The following SOBP variants were observed in gnomAD, a reference collection of about 807,000 sequenced individuals.
SOBP encodes sine oculis-binding protein homolog.
In SOBP, 4 loss-of-function variants were observed where a neutral mutation model predicts 53.6. That is an observed-to-expected ratio of 0.07 (90% CI 0.04 to 0.17). The LOEUF (loss-of-function observed/expected upper bound fraction) is 0.17, where lower values mean the gene tolerates loss of function less well. Ranked by LOEUF, SOBP falls within the 10% of genes least tolerant of loss-of-function variation. The pLI is 1.00. For synonymous variants in SOBP, 584 were observed against 522.6 expected (o/e 1.12, Z -1.60); for missense variants, 1,088 against 1,204.7 (o/e 0.90, Z 1.43).
At chr6:107,640,399 T>C (rs975059438) in intron 6 of SOBP, among the ~76,000 whole-genome samples, 1 of 152,174 alleles carries the variant, frequency 6.6e-6, no homozygotes, top group African/African-American at 2.4e-5. Flanking sequence ...GGAATATTAA[T>C]TGGTGACAGT....
At chr6:107,578,447 G>A (rs1179831517) in intron 4 of SOBP, among the ~76,000 whole-genome samples, 1 of 152,192 alleles carries the variant, frequency 6.6e-6, no homozygotes, top group Non-Finnish European at 1.5e-5. Flanking sequence ...GAGATCATCA[G>A]TGTGTGGCAT....
In SOBP at chr6:107,634,154, C is replaced by T; in HGVS notation, c.1310C>T (p.Pro437Leu). 2 of 1,611,368 alleles carry T rather than the reference C, an allele frequency of 1.2e-6. No individual in the cohort carries two copies. The highest frequency in any genetic ancestry group is 1.1e-5 in the South Asian group (1 of 90,954). The change falls in exon 6 of 7, where the codon CCG becomes CTG. Residue 437 changes from proline (P) to leucine (L), a missense_variant. By Grantham distance (98) the Pro-to-Leu change is moderately conservative. Around this residue, in one of 6 missense-constraint regions of SOBP, gnomAD observed 211 missense variants for 258.9 expected, o/e 0.82. Coordinates refer to ENST00000317357, the MANE Select transcript of SOBP (RefSeq NM_018013.4). The surrounding 1 kb of genome is among the most constrained non-coding windows in gnomAD (Gnocchi z 4.5). ...SNPMLPGIGP[P>L]PGGPRNLGPT... is the part of the protein sequence containing the mutation. ...CCCATGCTTCCCGGCATCGGGCCCC[C>T]GCCCGGTGGCCCCAGAAACCTGGGC... is the stretch of plus-strand genomic sequence containing the variant.
chr6:107,535,409 A>G (rs1783963710), intron 4 of SOBP, among the ~76,000 whole-genome samples: 2 of 152,228 alleles, frequency 1.3e-5, no homozygotes, highest in African/African-American at 4.8e-5. Context: ...TGGGAGGAGG[A>G]CCATCACATT....
intron 4 of SOBP, among the ~76,000 whole-genome samples, chr6:107,553,298 T>TTTATTTA (rs1554294430): frequency 2.9e-4 from 40 of 139,430 alleles, no homozygotes; most frequent in Admixed American, 4.4e-4. Flanking sequence ...CTTATTATTA[T>TTTATTTA]TTTATTTATT....
At chr6:107,533,271 CAAAAAAAAAAAAAAAAA>C (rs762864049) in intron 3 of SOBP, among the ~76,000 whole-genome samples, 171 bp from the exon 4 acceptor site, 1 of 32,812 alleles carries the variant, frequency 3.0e-5, no homozygotes, top group African/African-American at 9.8e-5. Context: ...ACTTAGGAGC[CAAAAAAAAAAAAAAAAA>C]AAAAAAAAGA....
At chr6:107,501,033 A>T (rs1562574138) in intron 1 of SOBP, among the ~76,000 whole-genome samples, 1 of 152,174 alleles carries the variant, frequency 6.6e-6, no homozygotes, top group Non-Finnish European at 1.5e-5. Context: ...GTAGCAATAT[A>T]TCAAAACATT....
At chr6:107,655,656 A>G (rs1772001658) in intron 6 of SOBP, among the ~76,000 whole-genome samples, 1 of 152,196 alleles carries the variant, frequency 6.6e-6, no homozygotes, top group South Asian at 2.1e-4. Flanking sequence ...TTTACCAGAC[A>G]ATAATAGATA....
chr6:107,565,758 C>G (rs905300606), intron 4 of SOBP, among the ~76,000 whole-genome samples: 3 of 152,188 alleles, frequency 2.0e-5, no homozygotes, highest in Non-Finnish European at 2.9e-5. Context: ...TAAAAGTCAT[C>G]TGAGTATCCA....
chr6:107,647,991 C>T (rs991989517), intron 6 of SOBP, among the ~76,000 whole-genome samples: 4 of 152,140 alleles, frequency 2.6e-5, no homozygotes, highest in African/African-American at 9.7e-5. Context: ...TTTGCAATGG[C>T]ATTTGTACTA....
Position 107,544,454 on chromosome 6 carries a change from C to T in SOBP, c.573+10844C>T, listed in dbSNP as rs143486627. Reference sequence around the variant, plus strand: ...GGACAGATGTTTATTTAAATAATAACGCAAATGTGAAGTCGTCACTGTGGC... The same window carrying T: ...GGACAGATGTTTATTTAAATAATAATGCAAATGTGAAGTCGTCACTGTGGC... On this transcript the variant is annotated intron_variant, in intron 4 of 6. Transcript: ENST00000317357. Among the ~76,000 whole-genome samples, 858 of 152,260 alleles carry T rather than the reference C, an allele frequency of 5.6e-3. 29 individuals carry two copies. The East Asian group carries it at 0.088, about 16-fold the overall frequency.
intron 1 of SOBP, 56 bp from the exon 2 acceptor site, chr6:107,503,601 C>T: frequency 6.3e-7 from 1 of 1,593,404 alleles, no homozygotes; most frequent in Non-Finnish European, 8.6e-7. Context: ...TTTATGCATT[C>T]TTTTCAAGTA....
chr6:107,640,980 C>T (rs1771285926), intron 6 of SOBP, among the ~76,000 whole-genome samples: 1 of 152,214 alleles, frequency 6.6e-6, no homozygotes, highest in South Asian at 2.1e-4. Context: ...CCTTCAGCAA[C>T]TCCCCCTGAA....
At position 107,658,999 on chromosome 6, in the gene SOBP, T is replaced by C. The variant is rs1040605969; in HGVS notation, c.*796T>C. The C allele has an allele frequency of 6.6e-6, 1 of 152,646 alleles. No individual in the cohort carries two copies. Among genetic ancestry groups the C allele is most frequent in the Admixed American group, 6.5e-5 (1 of 15,284 alleles). 9.5% of individuals were successfully genotyped at this position (152,646 alleles called of 1,614,324 possible). On this transcript the variant is annotated 3_prime_UTR_variant, in exon 7 of 7. Transcript: ENST00000317357. The stretch of plus-strand genomic sequence containing the variant: ...TGTTTATTCTTCTCAGCTTTCTCTT[T>C]AAATTCCCCTAAATAGCGCCCCATT...
chr6:107,573,074 T>C (rs1293701885), intron 4 of SOBP, among the ~76,000 whole-genome samples: 1 of 152,144 alleles, frequency 6.6e-6, no homozygotes, highest in Non-Finnish European at 1.5e-5. Flanking sequence ...AACAAAACAA[T>C]GCCTTTTTTG....
At chr6:107,574,460 C>T (rs1022438500) in intron 4 of SOBP, among the ~76,000 whole-genome samples, 1 of 152,104 alleles carries the variant, frequency 6.6e-6, no homozygotes, top group African/African-American at 2.4e-5. Context: ...TTTGAGCTGA[C>T]TCTTACTTTG....
chr6:107,654,912 G>A (rs1352696250), intron 6 of SOBP, among the ~76,000 whole-genome samples: 1 of 150,672 alleles, frequency 6.6e-6, no homozygotes, highest in Non-Finnish European at 1.5e-5. Flanking sequence ...CTCTGAGGGA[G>A]GGTGGGTGAG....
intron 4 of SOBP, among the ~76,000 whole-genome samples, chr6:107,556,356 C>T (rs542933617): frequency 1.3e-5 from 2 of 152,292 alleles, no homozygotes; most frequent in African/African-American, 4.8e-5. Context: ...TCTGAAAACT[C>T]CATGTAGTCA....
chr6:107,530,360 G>A (rs1306895140), intron 3 of SOBP, among the ~76,000 whole-genome samples: 1 of 152,104 alleles, frequency 6.6e-6, no homozygotes, highest in African/African-American at 2.4e-5. Flanking sequence ...AGAGATGCAG[G>A]GTTGAAGTGG....
chr6:107,622,023 G>T (rs1216928336), intron 5 of SOBP, among the ~76,000 whole-genome samples: 1 of 152,130 alleles, frequency 6.6e-6, no homozygotes, highest in African/African-American at 2.4e-5. Flanking sequence ...ACAGAATAAA[G>T]GGTAAGTAAG....
Sources: allele counts gnomAD v4.1 joint callset (sites outside exome capture counted in the v4.1 genomes callset), GRCh38; gene constraint gnomAD v4.1.1; regional missense constraint gnomAD v4.1.1; non-coding constraint Gnocchi (gnomAD v3.1); transcripts MANE v1.5; gene names NCBI Gene and HGNC (gene_info 2026-07-23, HGNC 2026-07-21).